Variants in NFIA observed in about 807,000 individuals in gnomAD.
NFIA encodes the protein nuclear factor 1 A-type.
In NFIA, 8 loss-of-function variants were observed where a neutral mutation model predicts 62.8. That is an observed-to-expected ratio of 0.13 (90% confidence interval 0.07 to 0.23). NFIA has a LOEUF of 0.23. Among genes scored for constraint, NFIA ranks in the 10% least tolerant of loss-of-function variants. NFIA has a pLI of 1.00. For missense variants in NFIA, 410 were observed against 642.1 expected (o/e 0.64, Z 3.91); for synonymous variants, 235 against 238.1 (o/e 0.99, Z 0.12).
intron 7 of NFIA, among the ~76,000 whole-genome samples, chr1:61,395,623 C>T (rs1310379095): frequency 6.6e-6 from 1 of 152,124 alleles, no homozygotes; most frequent in East Asian, 1.9e-4. Flanking sequence ...GTCAACTTTG[C>T]CTATTAAACC....
chr1:61,135,378 T>G (rs1388228473), intron 2 of NFIA, among the ~76,000 whole-genome samples: 1 of 152,216 alleles, frequency 6.6e-6, no homozygotes, highest in African/African-American at 2.4e-5. Flanking sequence ...TTATCATGCC[T>G]TCTTGTTACC....
intron 2 of NFIA, among the ~76,000 whole-genome samples, chr1:61,244,417 C>T (rs1655524335): frequency 6.6e-6 from 1 of 152,170 alleles, no homozygotes. Context: ...AGGCTTTCCT[C>T]CCCACATTGT....
chr1:61,113,307 G>T (rs1646736375), intron 2 of NFIA, among the ~76,000 whole-genome samples: 1 of 151,862 alleles, frequency 6.6e-6, no homozygotes, highest in Non-Finnish European at 1.5e-5. Flanking sequence ...GAATATGTTT[G>T]GTGGGCCAGG....
At chr1:61,451,723 A>G (rs1406990357) in intron 10 of NFIA, among the ~76,000 whole-genome samples, 2 of 152,224 alleles carry the variant, frequency 1.3e-5, no homozygotes, top group African/African-American at 4.8e-5. Flanking sequence ...TACTTAATGT[A>G]AATGTATCAA....
intron 2 of NFIA, among the ~76,000 whole-genome samples, chr1:61,237,730 C>T (rs1428645846): frequency 6.6e-6 from 1 of 152,040 alleles, no homozygotes; most frequent in African/African-American, 2.4e-5. Context: ...ATTCTTGTGC[C>T]TGCTGTAGGA....
chr1:61,385,840 T>C lies in NFIA; in HGVS notation c.1075+2475T>C, dbSNP rs570296958. On this transcript the variant is annotated intron_variant, in intron 7 of 10. Transcript: ENST00000403491. ...AGAAAGATGCCTAGTGTAAGAATTATGGAATACCAAAGATTCTTTGTTTTC... is the reference window on the plus strand; with the variant it reads ...AGAAAGATGCCTAGTGTAAGAATTACGGAATACCAAAGATTCTTTGTTTTC... The C allele has an allele frequency of 3.3e-5, 5 of 152,350 alleles. No homozygotes were observed. The East Asian group carries it at 7.7e-4, about 24-fold the overall frequency. 9.4% of individuals were successfully genotyped at this position (152,350 alleles called of 1,614,324 possible).
intron 5 of NFIA, 143 bp downstream of exon 5, chr1:61,352,710 G>A (rs570856392): frequency 6.6e-5 from 45 of 678,098 alleles, no homozygotes; most frequent in Middle Eastern, 4.9e-4. Context: ...AAAGACTGTC[G>A]GTCTCGTTGG....
chr1:61,342,738 C>G (rs201638504), intron 4 of NFIA, among the ~76,000 whole-genome samples: 4 of 152,314 alleles, frequency 2.6e-5, no homozygotes, highest in South Asian at 4.1e-4. Flanking sequence ...TTGAATATAT[C>G]TCCTTCATAA....
chr1:61,407,722 A>T (rs1469166180), intron 9 of NFIA, among the ~76,000 whole-genome samples: 1 of 152,180 alleles, frequency 6.6e-6, no homozygotes, highest in Non-Finnish European at 1.5e-5. Flanking sequence ...AGTGAGACTG[A>T]GGCAAGGAAT....
Position 61,289,933 on chromosome 1 carries a change from T to C in NFIA, c.625+12348T>C, listed in dbSNP as rs1372357259. ...ATCCATAAATAGATACTCAATAAAA[T>C]GTAGCTCGCCTTCTCTCTCATCCAC... On this transcript the variant is annotated intron_variant, in intron 3 of 10. Transcript: ENST00000403491. 7.2e-5 allele frequency among the ~76,000 whole-genome samples: 11 copies of C among 152,080 alleles called. 1 individual carries two copies.
intron 9 of NFIA, among the ~76,000 whole-genome samples, chr1:61,411,338 C>T (rs1430181077): frequency 6.6e-6 from 1 of 152,014 alleles, no homozygotes; most frequent in East Asian, 1.9e-4. Context: ...GGGGGTGGGG[C>T]AAGAATAATT....
intron 3 of NFIA, among the ~76,000 whole-genome samples, chr1:61,305,187 A>G (rs1659699395): frequency 2.0e-5 from 3 of 152,146 alleles, no homozygotes; most frequent in African/African-American, 4.8e-5. Flanking sequence ...TCAGGTAGAA[A>G]ATGGAGATAT....
At chr1:61,082,154 T>C (rs899675839), upstream of NFIA, 3 of 607,594 alleles carry the variant, frequency 4.9e-6, no homozygotes, top group Non-Finnish European at 7.3e-6. Context: ...GAGTACAGAC[T>C]GTAACTGCTC....
At chr1:61,287,717 T>C (rs1658597458) in intron 3 of NFIA, among the ~76,000 whole-genome samples, 1 of 151,538 alleles carries the variant, frequency 6.6e-6, no homozygotes, top group African/African-American at 2.4e-5. Flanking sequence ...CAGTGAATAA[T>C]TTTTTAGTAC....
chr1:61,210,220 G>T (rs78923241), intron 2 of NFIA, among the ~76,000 whole-genome samples: 1 of 152,138 alleles, frequency 6.6e-6, no homozygotes, highest in Non-Finnish European at 1.5e-5. Flanking sequence ...TTTTCCTCAA[G>T]TGGAATAAGA....
At chr1:61,310,652 G>C (rs951774317) in intron 3 of NFIA, among the ~76,000 whole-genome samples, 5 of 152,144 alleles carry the variant, frequency 3.3e-5, no homozygotes, top group Non-Finnish European at 7.4e-5. Flanking sequence ...GTTCCCAGAA[G>C]TCCCAGCTCC....
intron 2 of NFIA, among the ~76,000 whole-genome samples, chr1:61,203,609 T>G (rs937982274): frequency 6.6e-6 from 1 of 152,136 alleles, no homozygotes; most frequent in African/African-American, 2.4e-5. Flanking sequence ...ATTAGCCTTC[T>G]TCCTCTCCCT....
intron 3 of NFIA, among the ~76,000 whole-genome samples, chr1:61,326,943 A>G (rs1286381515): frequency 6.6e-6 from 1 of 151,944 alleles, no homozygotes; most frequent in Non-Finnish European, 1.5e-5. Context: ...AAGAGGCTAT[A>G]TCTAGGTCCC....
chr1:61,079,541 G>A (rs1182246194), upstream of NFIA, among the ~76,000 whole-genome samples: 1 of 152,172 alleles, frequency 6.6e-6, no homozygotes, highest in Admixed American at 6.5e-5. Flanking sequence ...CCTCCTTTGC[G>A]CAGAGACAAT....
Sources: allele counts gnomAD v4.1 joint callset (sites outside exome capture counted in the v4.1 genomes callset), GRCh38; gene constraint gnomAD v4.1.1; transcripts MANE v1.5; gene names NCBI Gene and HGNC (gene_info 2026-07-23, HGNC 2026-07-21).